EYS: variants seen among roughly 807,000 people sequenced by gnomAD.
EYS encodes the protein protein eyes shut homolog.
EYS carries 250 observed loss-of-function variants against 282.1 expected under a neutral mutation model. The ratio of observed to expected loss-of-function variants is 0.89; its 90% CI spans 0.80 to 0.98. The LOEUF (loss-of-function observed/expected upper bound fraction) is 0.98, where lower values mean the gene tolerates loss of function less well. EYS is among the 50% of genes least tolerant of loss of function. The pLI is 0.00. For missense variants in EYS, 4,016 were observed against 3,709.0 expected (o/e 1.08, Z -2.15); for synonymous variants, 1,355 against 1,282.9 (o/e 1.06, Z -1.20).
chr6:65,351,271 G>A (rs951539118), intron 9 of EYS, among the ~76,000 whole-genome samples: 9 of 151,752 alleles, frequency 5.9e-5, no homozygotes, highest in African/African-American at 1.9e-4. Context: ...CTCAGATGTA[G>A]CGGTCACATA....
At chr6:64,228,532 T>C (rs1049913367) in intron 31 of EYS, among the ~76,000 whole-genome samples, 1 of 152,182 alleles carries the variant, frequency 6.6e-6, no homozygotes, top group Non-Finnish European at 1.5e-5. Flanking sequence ...TGTCTGATTA[T>C]CATGTACTTT....
chr6:64,843,020 C>A (rs958476167), intron 19 of EYS, among the ~76,000 whole-genome samples: 3 of 152,118 alleles, frequency 2.0e-5, no homozygotes, highest in Non-Finnish European at 2.9e-5. Flanking sequence ...ATGGCCACCC[C>A]TCTCATCACA....
rs941019494 is a variant in EYS at position 64,069,120 on chromosome 6, G to A, written c.6572-2629C>T. 6.6e-5 allele frequency among the ~76,000 whole-genome samples: 10 copies of A among 152,024 alleles called. No individual in the cohort carries two copies. In the South Asian group the frequency reaches 8.3e-4, roughly 13 times the overall value. ...GAATGGATTCTCTGAAGCTTCCAGA[G>A]GGAACCAGTCCTGCTGACAGCTTGA... On this transcript the variant is annotated intron_variant, in intron 32 of 42. Transcript: ENST00000503581.
At chr6:63,811,129 T>C (rs1354813348) in intron 36 of EYS, among the ~76,000 whole-genome samples, 5 of 151,952 alleles carry the variant, frequency 3.3e-5, no homozygotes, top group Non-Finnish European at 7.4e-5. Context: ...TGCTAGAATG[T>C]CCCCATCATA....
chr6:65,489,073 A>T (rs1273889996), intron 5 of EYS, among the ~76,000 whole-genome samples: 1 of 152,188 alleles, frequency 6.6e-6, no homozygotes. Flanking sequence ...ATGGGCAAAG[A>T]CTTCATGTCT....
At chr6:64,489,488 GGAAATATAA>G (rs1562022336) in intron 26 of EYS, among the ~76,000 whole-genome samples, 1 of 143,068 alleles carries the variant, frequency 7.0e-6, no homozygotes, top group Non-Finnish European at 1.5e-5. Context: ...TGCCAATATT[GGAAATATAA>G]AAATTTACTA....
At chr6:65,366,875 T>G (rs1764932312) in intron 8 of EYS, among the ~76,000 whole-genome samples, 1 of 151,566 alleles carries the variant, frequency 6.6e-6, no homozygotes, top group Non-Finnish European at 1.5e-5. Flanking sequence ...TTCCTTCAGC[T>G]TTAAAAAATA....
chr6:63,984,247 T>G, intron 35 of EYS, 136 bp downstream of exon 35: 1 of 649,726 alleles, frequency 1.5e-6, no homozygotes, highest in Non-Finnish European at 2.7e-6. Flanking sequence ...GTGCATCATT[T>G]AGGTGATGCA....
chr6:64,516,589 T>A (rs1777566203), intron 26 of EYS, among the ~76,000 whole-genome samples: 1 of 74,712 alleles, frequency 1.3e-5, no homozygotes, highest in South Asian at 3.9e-4. Context: ...TGAAGTTGAG[T>A]CTGAAGTTGA....
At chr6:64,501,655 T>C (rs1169199885) in intron 26 of EYS, among the ~76,000 whole-genome samples, 1 of 152,106 alleles carries the variant, frequency 6.6e-6, no homozygotes, top group African/African-American at 2.4e-5. Flanking sequence ...ACCCAAACTT[T>C]GGATAAAAGA....
At chr6:65,154,144 C>T (rs1374884900) in intron 12 of EYS, among the ~76,000 whole-genome samples, 1 of 151,686 alleles carries the variant, frequency 6.6e-6, no homozygotes, top group African/African-American at 2.4e-5. Flanking sequence ...AGTGCCAACT[C>T]CTACCACATA....
Position 64,591,900 on chromosome 6 carries a change from A to C in EYS, c.3967T>G (p.Leu1323Val). 6.4e-7 allele frequency: 1 copy of C among 1,550,424 alleles called. No individual in the cohort carries two copies. The highest frequency in any genetic ancestry group is 8.7e-7 in the Non-Finnish European group (1 of 1,146,164). Reference sequence around the variant, plus strand: ...CTAGTGACAATCAGTTCTTGGAGTAAGTAGCTTTCCAAGGGTGTGCTAATT... The same window carrying C: ...CTAGTGACAATCAGTTCTTGGAGTACGTAGCTTTCCAAGGGTGTGCTAATT... ...LRISTPLESY[L>V]LQELIVTREL... The change falls in exon 26 of 43, where the codon TTA becomes GTA. Residue 1323 changes from leucine (L) to valine (V), a missense_variant. Leu to Val is a conservative substitution (Grantham distance 32). Coordinates refer to ENST00000503581, the MANE Select transcript of EYS (RefSeq NM_001142800.2).
intron 15 of EYS, among the ~76,000 whole-genome samples, chr6:64,941,703 A>G (rs1183114824): frequency 4.6e-5 from 7 of 152,108 alleles, no homozygotes; most frequent in Admixed American, 3.3e-4. Flanking sequence ...AAGTGAGAAC[A>G]TATGATATTT....
At chr6:63,858,989 C>T (rs540477299) in intron 36 of EYS, among the ~76,000 whole-genome samples, 23 of 146,850 alleles carry the variant, frequency 1.6e-4, no homozygotes, top group African/African-American at 5.8e-4. Flanking sequence ...AATACCTTGG[C>T]TTGTCTTTAA....
intron 36 of EYS, chr6:63,806,852 T>C (rs1770921053): frequency 6.6e-6 from 1 of 152,178 alleles, no homozygotes; most frequent in Non-Finnish European, 1.5e-5. Flanking sequence ...AGTCAAGAAA[T>C]AGGAAGGAAA....
chr6:64,297,733 TCTGA>T (rs1218050395), intron 30 of EYS, among the ~76,000 whole-genome samples: 17 of 152,152 alleles, frequency 1.1e-4, no homozygotes, highest in African/African-American at 3.4e-4. Flanking sequence ...ATTCCAGCAC[TCTGA>T]GAGGCCGAGG....
chr6:65,160,601 T>G (rs1299928803), intron 12 of EYS, among the ~76,000 whole-genome samples: 1 of 150,962 alleles, frequency 6.6e-6, no homozygotes, highest in East Asian at 2.0e-4. Flanking sequence ...CCACACTTTT[T>G]GTAGATGTCT....
At chr6:65,540,909 T>C (rs1333078716) in intron 2 of EYS, among the ~76,000 whole-genome samples, 2 of 152,054 alleles carry the variant, frequency 1.3e-5, no homozygotes, top group Admixed American at 6.6e-5. Context: ...TAGGCAACAG[T>C]GCGAGACTCT....
chr6:64,234,853 T>C (rs1002146710), intron 30 of EYS, among the ~76,000 whole-genome samples: 2 of 151,346 alleles, frequency 1.3e-5, no homozygotes, highest in African/African-American at 4.8e-5. Flanking sequence ...GGTTCACCCA[T>C]GTTGTTGCAC....
Sources: gnomAD v4.1 joint callset for allele counts (sites outside exome capture counted in the v4.1 genomes callset) on GRCh38, gnomAD v4.1.1 for gene constraint, MANE v1.5 for transcripts, NCBI Gene and HGNC (gene_info 2026-07-23, HGNC 2026-07-21) for gene names.